The following GMDS variants were observed in gnomAD, a reference collection of about 807,000 sequenced individuals.
The protein encoded by GMDS is GDP-mannose 4,6-dehydratase.
A neutral mutation model predicts 49.9 loss-of-function variants in GMDS; 20 were observed. The observed-to-expected ratio is 0.40, with a 90% CI of 0.28 to 0.58. The LOEUF (loss-of-function observed/expected upper bound fraction) is 0.58. Ranked by LOEUF, GMDS falls within the 20% of genes least tolerant of loss-of-function variation. The pLI, the probability that GMDS is intolerant of heterozygous loss-of-function variation, is 0.42. For missense variants in GMDS, 362 were observed against 481.4 expected, an observed-to-expected ratio of 0.75 and a Z score of 2.32; for synonymous variants, 177 against 178.6, an observed-to-expected ratio of 0.99 and a Z score of 0.07.
intron 1 of GMDS, among the ~76,000 whole-genome samples, chr6:2,186,462 G>C (rs1262022695): frequency 6.6e-6 from 1 of 152,150 alleles, no homozygotes. Flanking sequence ...TTGAATATCT[G>C]AATCAACCTG....
chr6:1,841,261 C>T (rs1252694855), intron 7 of GMDS, among the ~76,000 whole-genome samples: 1 of 152,170 alleles, frequency 6.6e-6, no homozygotes, highest in Non-Finnish European at 1.5e-5. Flanking sequence ...CTCAGAACAT[C>T]CCAAAATATT....
chr6:1,708,671 G>A (rs1321476388), intron 9 of GMDS, among the ~76,000 whole-genome samples: 1 of 152,218 alleles, frequency 6.6e-6, no homozygotes, highest in East Asian at 1.9e-4. Flanking sequence ...AAATCTCATA[G>A]TCTATTCTAA....
At chr6:1,765,953 G>A (rs542906974) in intron 7 of GMDS, among the ~76,000 whole-genome samples, 5 of 152,292 alleles carry the variant, frequency 3.3e-5, no homozygotes, top group Admixed American at 1.3e-4. Flanking sequence ...GCAAAGGGCT[G>A]AGGATGTAAG....
rs536046195 is a variant in GMDS, at chr6:2,123,903, T to C, written c.147+784A>G. Among the ~76,000 whole-genome samples, 9 of 152,342 alleles carry C rather than the reference T, an allele frequency of 5.9e-5. 1 individual carries two copies. The South Asian group carries it at 1.9e-3, about 32-fold the overall frequency. Reference sequence around the variant, plus strand: ...TAATGTTGGCATTTAGATGCCAAATTCTTTCCTGTTGTGTTTCCATTTGCC... The same window carrying C: ...TAATGTTGGCATTTAGATGCCAAATCCTTTCCTGTTGTGTTTCCATTTGCC... On this transcript the variant is annotated intron_variant, in intron 2 of 10. Transcript: ENST00000380815.
At chr6:1,723,573 C>G (rs1766466991) in intron 9 of GMDS, among the ~76,000 whole-genome samples, 1 of 140,320 alleles carries the variant, frequency 7.1e-6, no homozygotes, top group African/African-American at 2.7e-5. Flanking sequence ...TTGTGATCCA[C>G]CCGCCTCGGC....
At chr6:1,884,446 G>T (rs997580958) in intron 7 of GMDS, among the ~76,000 whole-genome samples, 4 of 152,338 alleles carry the variant, frequency 2.6e-5, no homozygotes, top group Non-Finnish European at 5.9e-5. Context: ...TGGCATTTTT[G>T]CCAACAAGAC....
intron 4 of GMDS, among the ~76,000 whole-genome samples, chr6:2,115,260 T>C (rs1774780796): frequency 1.3e-5 from 2 of 152,168 alleles, no homozygotes; most frequent in African/African-American, 4.8e-5. Context: ...TATATCACAC[T>C]GAGGAGGAGG....
At chr6:1,683,682 C>G (rs1197224164) in intron 9 of GMDS, among the ~76,000 whole-genome samples, 1 of 152,152 alleles carries the variant, frequency 6.6e-6, no homozygotes, top group Non-Finnish European at 1.5e-5. Flanking sequence ...ATGAGAGGTG[C>G]TTTTGTCTCA....
intron 4 of GMDS, among the ~76,000 whole-genome samples, chr6:2,041,439 A>G (rs1431550966): frequency 2.0e-5 from 3 of 152,238 alleles, no homozygotes; most frequent in Non-Finnish European, 1.5e-5. Flanking sequence ...CCATTTAATT[A>G]AACTATATGG....
intron 9 of GMDS, among the ~76,000 whole-genome samples, chr6:1,631,232 T>C (rs1762991647): frequency 6.6e-6 from 1 of 152,028 alleles, no homozygotes; most frequent in Non-Finnish European, 1.5e-5. Context: ...CACAAAACAA[T>C]CACATCCAAA....
intron 1 of GMDS, among the ~76,000 whole-genome samples, chr6:2,174,539 T>C (rs1778175624): frequency 6.6e-6 from 1 of 151,900 alleles, no homozygotes; most frequent in Non-Finnish European, 1.5e-5. Flanking sequence ...AATTTAATGG[T>C]GCCTAGTTTT....
intron 4 of GMDS, among the ~76,000 whole-genome samples, chr6:2,000,400 T>C (rs1454988894): frequency 6.6e-6 from 1 of 151,886 alleles, no homozygotes; most frequent in Non-Finnish European, 1.5e-5. Context: ...ATTTTAATCA[T>C]TCCAAAAGAA....
chr6:1,792,352 GA>G (rs1769579848), intron 7 of GMDS, among the ~76,000 whole-genome samples: 1 of 151,768 alleles, frequency 6.6e-6, no homozygotes, highest in African/African-American at 2.4e-5. Context: ...AAACCTGTCA[GA>G]GAACCTACTG....
intron 1 of GMDS, among the ~76,000 whole-genome samples, chr6:2,187,065 T>C (rs894501691): frequency 1.3e-5 from 2 of 152,230 alleles, no homozygotes; most frequent in African/African-American, 4.8e-5. Flanking sequence ...ATATTGTGTA[T>C]ATTGTATGAA....
intron 7 of GMDS, among the ~76,000 whole-genome samples, chr6:1,843,153 A>G (rs188302315): frequency 2.5e-5 from 1 of 40,698 alleles, no homozygotes; most frequent in Non-Finnish European, 7.7e-5. Context: ...TAAAATAAAG[A>G]GAATTTCTAC....
intron 7 of GMDS, among the ~76,000 whole-genome samples, chr6:1,840,316 C>A (rs1272596192): frequency 6.6e-6 from 1 of 152,178 alleles, no homozygotes; most frequent in African/African-American, 2.4e-5. Flanking sequence ...CTCTCCTCAC[C>A]CCTTCCAGAA....
intron 4 of GMDS, among the ~76,000 whole-genome samples, chr6:1,968,501 C>T (rs1464665946): frequency 6.6e-6 from 1 of 152,222 alleles, no homozygotes; most frequent in African/African-American, 2.4e-5. Context: ...CTGGAACTCT[C>T]TGCAAGGCCC....
At chr6:1,805,981 T>A (rs1770160433) in intron 7 of GMDS, among the ~76,000 whole-genome samples, 1 of 152,118 alleles carries the variant, frequency 6.6e-6, no homozygotes, top group African/African-American at 2.4e-5. Flanking sequence ...GGTAAGTATA[T>A]AAAAATATAT....
At chr6:2,192,152 C>T (rs1283455966) in intron 1 of GMDS, among the ~76,000 whole-genome samples, 3 of 152,196 alleles carry the variant, frequency 2.0e-5, no homozygotes, top group African/African-American at 2.4e-5. Flanking sequence ...TCCTCTGTGC[C>T]GACAGCTGCA....
Sources: gnomAD v4.1 joint callset for allele counts (sites outside exome capture counted in the v4.1 genomes callset) on GRCh38, gnomAD v4.1.1 for gene constraint, MANE v1.5 for transcripts, NCBI Gene and HGNC (gene_info 2026-07-23, HGNC 2026-07-21) for gene names.